Variants in GJD2 observed in about 807,000 individuals in gnomAD.
The protein encoded by GJD2 is gap junction protein delta 2.
In GJD2, 12 loss-of-function variants were observed where a neutral mutation model predicts 24.3. The ratio of observed to expected loss-of-function variants is 0.49; its 90% confidence interval spans 0.32 to 0.80. GJD2 has a LOEUF of 0.80. Among genes scored for constraint, GJD2 ranks in the 30% least tolerant of loss-of-function variants. The probability of loss-of-function intolerance (pLI) is 0.04; values close to 1 mark genes in which losing one functional copy is unlikely to be tolerated. For missense variants in GJD2, 268 were observed against 402.4 expected, an observed-to-expected ratio of 0.67 and a Z score of 2.86; for synonymous variants, 171 against 155.2, an observed-to-expected ratio of 1.10 and a Z score of -0.76.
rs1891146711 is a variant in GJD2 at position 34,753,855 on chromosome 15, A to T, written c.72-483T>A. Among the ~76,000 whole-genome samples, 4 of 76,504 alleles carry T rather than the reference A, an allele frequency of 5.2e-5. No individual in the cohort carries two copies. In the South Asian group the frequency reaches 2.8e-3, roughly 54 times the overall value. The allele number at this position is 76,504 out of a possible 152,430, so 50.2% of individuals were successfully genotyped here. On this transcript the variant is annotated intron_variant, in intron 1 of 1. Coordinates refer to ENST00000290374, the MANE Select transcript of GJD2 (RefSeq NM_020660.3). ...AGCAGATGGCTATGAATATATATTC[A>T]TATATATTGAACTCATATATATATA...
At position 34,752,562 on chromosome 15, in the gene GJD2, G is replaced by T. The variant is rs777010107; in HGVS notation, c.882C>A (p.Ile294=). The T allele has an allele frequency of 6.2e-6, 10 of 1,614,206 alleles. No homozygotes were observed. In the Admixed American group the frequency reaches 8.3e-5, roughly 13 times the overall value. Residue 294 remains isoleucine (I), a synonymous_variant, in exon 2 of 2, where the codon ATC becomes ATA. Transcript: ENST00000290374. ...GCAGGTCCTTGTTACGAATCTCATA[G>T]ATTGACTTTCTCTTGGCCTGAGCCC... ...VRGAQAKRKS[I]YEIRNKDLPR...
At position 34,753,049 on chromosome 15, in the gene GJD2, C is replaced by A. The variant is rs150471636; in HGVS notation, c.395G>T (p.Gly132Val). Residue 132 changes from glycine to valine, a missense_variant, in exon 2 of 2, where the codon GGT becomes GTT. Physicochemically the swap from Gly to Val is moderately radical, Grantham distance 109. This residue lies in a region of GJD2 where 87 missense variants were observed against 77.8 expected (regional missense o/e 1.12). Transcript: ENST00000290374. ...TCGTTTGCCCCCACCACTGCCCCCA[C>A]CCCCAGTTCCTCCAGGACCTCCTAT... ...ESIGGPGGTG[G>V]GGSGGGKRED... The A allele has an allele frequency of 1.1e-5, 17 of 1,614,060 alleles. No individual in the cohort carries two copies. In the East Asian group the frequency reaches 3.8e-4, roughly 36 times the overall value.
rs1891097114 is a variant in GJD2 at position 34,751,138 on chromosome 15, A to T, written c.*1340T>A. 6.6e-6 allele frequency: 1 copy of T among 152,234 alleles called. No individual in the cohort carries two copies. Among genetic ancestry groups the T allele is most frequent in the South Asian group, 2.1e-4 (1 of 4,836 alleles). The allele number at this position is 152,234 out of a possible 1,614,324, so 9.4% of individuals were successfully genotyped here. A position where few individuals can be genotyped will look rare whatever the true frequency, so the allele number is the denominator to read the frequency against. ...GATAATGATAATTCAAAGGGAACAA[A>T]GGGCTTCATAAAAGCACATTACCCA... is the stretch of plus-strand genomic sequence containing the variant. On this transcript the variant is annotated 3_prime_UTR_variant, in exon 2 of 2. Transcript: ENST00000290374.
In GJD2 at chr15:34,754,632, C is replaced by A; in HGVS notation, c.-144G>T. The stretch of plus-strand genomic sequence containing the variant: ...CAATTTTTTAAAAAATCCTCGAATC[C>A]CCCTTTCCTTTTATTGTACTTAAAA... On this transcript the variant is annotated 5_prime_UTR_variant, in exon 1 of 2. Transcript: ENST00000290374. This position sits in a 1 kb window ranked among gnomAD's most constrained non-coding sequence, Gnocchi z 5.9. The A allele has an allele frequency of 1.5e-6, 1 of 661,474 alleles. No homozygotes were observed. Among genetic ancestry groups the A allele is most frequent in the Non-Finnish European group, 2.8e-6 (1 of 360,866 alleles). The allele number at this position is 661,474 out of a possible 1,614,324, so 41.0% of individuals were successfully genotyped here. A position where few individuals can be genotyped will look rare whatever the true frequency, so the allele number is the denominator to read the frequency against.
chr15:34,752,855 G>T lies in GJD2; in HGVS notation c.589C>A (p.Arg197Ser). 6.2e-7 allele frequency: 1 copy of T among 1,614,130 alleles called. No individual in the cohort carries two copies. The highest frequency in any genetic ancestry group is 1.1e-5 in the South Asian group (1 of 91,070). ...SKLRRQEGIS[R>S]FYIIQVVFRN... The stretch of plus-strand genomic sequence containing the variant: ...AACACCACTTGGATAATGTAGAAGC[G>T]GGAGATGCCTTCCTGCCTTCTGAGC... The change falls in exon 2 of 2, where the codon CGC becomes AGC. Residue 197 changes from arginine to serine, a missense_variant. By Grantham distance (110) the Arg-to-Ser change is moderately radical. Around this residue, in one of 3 missense-constraint regions of GJD2, gnomAD observed 115 missense variants for 195.2 expected, o/e 0.59. Transcript: ENST00000290374.
intron 1 of GJD2, 66 bp from the exon 2 acceptor site, chr15:34,753,438 T>C: frequency 7.1e-7 from 1 of 1,415,018 alleles, no homozygotes; most frequent in South Asian, 1.3e-5. Flanking sequence ...AAACCCCTGC[T>C]CCTCCCTTCC....
In GJD2 at chr15:34,753,377, A is replaced by G. The variant is rs1330584018; in HGVS notation, c.72-5T>C. On this transcript the variant is annotated splice_region_variant and splice_polypyrimidine_tract_variant and intron_variant, in intron 1 of 1. Transcript: ENST00000290374. ...ACCACCACAGTCAACAGGATCCTGAACGGAGGAAGAGGGAGGGAGAGAGGT... is the reference window on the plus strand; with the variant it reads ...ACCACCACAGTCAACAGGATCCTGAGCGGAGGAAGAGGGAGGGAGAGAGGT... 6.3e-7 allele frequency: 1 copy of G among 1,588,882 alleles called. No individual in the cohort carries two copies. Among genetic ancestry groups the G allele is most frequent in the Admixed American group, 1.7e-5 (1 of 59,566 alleles).
In GJD2 at chr15:34,751,047, C is replaced by T. The variant is rs2140413172; in HGVS notation, c.*1431G>A. The T allele has an allele frequency of 6.6e-6, 1 of 152,260 alleles. No homozygotes were observed. Among genetic ancestry groups the T allele is most frequent in the Admixed American group, 6.5e-5 (1 of 15,286 alleles). 9.4% of individuals were successfully genotyped at this position (152,260 alleles called of 1,614,324 possible). Reference sequence around the variant, plus strand: ...ACTCTTCCCATTTTACAAAAAAAGGCAAGAACTTTATTTTAAACAAATCCT... The same window carrying T: ...ACTCTTCCCATTTTACAAAAAAAGGTAAGAACTTTATTTTAAACAAATCCT... On this transcript the variant is annotated 3_prime_UTR_variant, in exon 2 of 2. Transcript: ENST00000290374.
chr15:34,754,710 G>A lies in GJD2; in HGVS notation c.-222C>T. ...CGCGTCCCGACCGATGGGGCAGTTG[G>A]CGCGGTCTAGAGAGAGGGCACGAAC... On this transcript the variant is annotated 5_prime_UTR_variant, in exon 1 of 2. Transcript: ENST00000290374. The surrounding 1 kb of genome is among the most constrained non-coding windows in gnomAD (Gnocchi z 5.9). The A allele has an allele frequency of 1.9e-6, 1 of 539,588 alleles. No homozygotes were observed. The highest frequency in any genetic ancestry group is 3.4e-6 in the Non-Finnish European group (1 of 295,572). The allele number at this position is 539,588 out of a possible 1,614,324, so 33.4% of individuals were successfully genotyped here.
In GJD2 at chr15:34,754,909, C is replaced by A; in HGVS notation, c.-421G>T. 1 of 163,028 alleles carries A rather than the reference C, an allele frequency of 6.1e-6. No homozygotes were observed. Among genetic ancestry groups the A allele is most frequent in the Non-Finnish European group, 1.3e-5 (1 of 75,412 alleles). The allele number at this position is 163,028 out of a possible 1,614,324, so 10.1% of individuals were successfully genotyped here. ...GGTCCGAACACCGGCTCTGTTCCTG[C>A]TACTTCAGCGGGCACCTGGCGCTCC... is the stretch of plus-strand genomic sequence containing the variant. On this transcript the variant is annotated 5_prime_UTR_variant, in exon 1 of 2. Transcript: ENST00000290374. The surrounding 1 kb of genome is among the most constrained non-coding windows in gnomAD (Gnocchi z 5.9).
Position 34,754,352 on chromosome 15 carries a change from G to T in GJD2, c.71+66C>A. On this transcript the variant is annotated intron_variant, in intron 1 of 1. Transcript: ENST00000290374. The surrounding 1 kb of genome is among the most constrained non-coding windows in gnomAD (Gnocchi z 5.9). ...GGATTGGAGCGGGAGACTCAGTCCA[G>T]GTGTGAGAAGGGACTCCCGGGGGCC... 3 of 1,073,542 alleles carry T rather than the reference G, an allele frequency of 2.8e-6. No individual in the cohort carries two copies. Among genetic ancestry groups the T allele is most frequent in the Non-Finnish European group, 4.3e-6 (3 of 690,146 alleles). The allele number at this position is 1,073,542 out of a possible 1,614,324, so 66.5% of individuals were successfully genotyped here. A position where few individuals can be genotyped will look rare whatever the true frequency, so the allele number is the denominator to read the frequency against.
In GJD2 at chr15:34,752,688, G is replaced by T; in HGVS notation, c.756C>A (p.Val252=). 1 of 1,614,184 alleles carries T rather than the reference G, an allele frequency of 6.2e-7. No homozygotes were observed. Among genetic ancestry groups the T allele is most frequent in the African/African-American group, 1.3e-5 (1 of 75,050 alleles). The part of the protein sequence containing the change: ...CYVSRPTEKT[V]FLVFMFAVSG... ...TTACAGCAAACATGAACACTAGAAA[G>T]ACAGTCTTCTCAGTTGGCCGGGACA... The change falls in exon 2 of 2, where the codon GTC becomes GTA. Residue 252 remains valine, a synonymous_variant. Coordinates refer to ENST00000290374, the MANE Select transcript of GJD2 (RefSeq NM_020660.3).
rs759554832 is a variant in GJD2, at chr15:34,753,201, G to A, written c.243C>T (p.Phe81=). 6 of 1,614,016 alleles carry A rather than the reference G, an allele frequency of 3.7e-6. No individual in the cohort carries two copies. The Admixed American group carries it at 1.0e-4, about 27-fold the overall frequency. ...FPISHIRYWV[F]QIIMVCTPSL... ...TGGGGGTACACACCATTATGATCTG[G>A]AAGACCCAGTAACGTATGTGGGAGA... The change falls in exon 2 of 2, where the codon TTC becomes TTT. Residue 81 remains phenylalanine (F), a synonymous_variant. Transcript: ENST00000290374.
Position 34,752,781 on chromosome 15 carries a change from A to G in GJD2, c.663T>C (p.Tyr221=), listed in dbSNP as rs1891122563. The G allele has an allele frequency of 2.5e-6, 4 of 1,614,208 alleles. No individual in the cohort carries two copies. The highest frequency in any genetic ancestry group is 3.4e-6 in the Non-Finnish European group (4 of 1,180,028). Reference sequence around the variant, plus strand: ...CATACAACCCTGGGACACTAAAGCCATAGAGAAAATATTGGCCAACCAGGA... The same window carrying G: ...CATACAACCCTGGGACACTAAAGCCGTAGAGAAAATATTGGCCAACCAGGA... The part of the protein sequence containing the change: ...IGFLVGQYFL[Y]GFSVPGLYEC... Residue 221 remains tyrosine, a synonymous_variant, in exon 2 of 2, where the codon TAT becomes TAC. Transcript: ENST00000290374.
In GJD2 at chr15:34,753,288, C is replaced by A; in HGVS notation, c.156G>T (p.Met52Ile). Residue 52 changes from methionine to isoleucine, a missense_variant, in exon 2 of 2, where the codon ATG becomes ATT. Coordinates refer to ENST00000290374, the MANE Select transcript of GJD2 (RefSeq NM_020660.3). ...GETVYDDEQT[M>I]FVCNTLQPGC... is the part of the protein sequence containing the mutation. ...CGGGCTGCAGGGTGTTGCACACAAACATGGTCTGCTCATCATCGTACACCG... is the reference window on the plus strand; with the variant it reads ...CGGGCTGCAGGGTGTTGCACACAAAAATGGTCTGCTCATCATCGTACACCG... 6.2e-7 allele frequency: 1 copy of A among 1,613,990 alleles called. No homozygotes were observed. The highest frequency in any genetic ancestry group is 1.3e-5 in the African/African-American group (1 of 75,022).
At position 34,754,122 on chromosome 15, in the gene GJD2, A is replaced by G. The variant is rs562126729; in HGVS notation, c.71+296T>C. ...ATGGAGATTGGCTCTGACTCTGGAG[A>G]GTGGAGGGACCAAGACTGAGCCAGC... On this transcript the variant is annotated intron_variant, in intron 1 of 1. Transcript: ENST00000290374. The surrounding 1 kb of genome is among the most constrained non-coding windows in gnomAD (Gnocchi z 5.9). 1.3e-5 allele frequency among the ~76,000 whole-genome samples: 2 copies of G among 152,152 alleles called. No individual in the cohort carries two copies. The highest frequency in any genetic ancestry group is 3.9e-4 in the East Asian group (2 of 5,168).
In GJD2 at chr15:34,753,362, T is replaced by C; in HGVS notation, c.82A>G (p.Thr28Ala). 1 of 1,600,312 alleles carries C rather than the reference T, an allele frequency of 6.2e-7. No homozygotes were observed. Among genetic ancestry groups the C allele is most frequent in the Non-Finnish European group, 8.5e-7 (1 of 1,174,932 alleles). The change falls in exon 2 of 2, where the codon ACT (threonine) becomes GCT (alanine). Residue 28 changes from threonine to alanine, a missense_variant. Coordinates refer to ENST00000290374, the MANE Select transcript of GJD2 (RefSeq NM_020660.3). ...HSTMIGRILL[T>A]VVVIFRILIV... ...AGGATCCGGAAGATCACCACCACAG[T>C]CAACAGGATCCTGAACGGAGGAAGA... is the stretch of plus-strand genomic sequence containing the variant.
chr15:34,752,638 A>G lies in GJD2; in HGVS notation c.806T>C (p.Leu269Pro). 6.2e-7 allele frequency: 1 copy of G among 1,614,236 alleles called. No individual in the cohort carries two copies. Among genetic ancestry groups the G allele is most frequent in the Non-Finnish European group, 8.5e-7 (1 of 1,180,042 alleles). Residue 269 changes from leucine to proline, a missense_variant, in exon 2 of 2, where the codon CTG becomes CCG. Leu to Pro is a moderately conservative substitution (Grantham distance 98, BLOSUM62 -3). This residue lies in a region of GJD2 where 115 missense variants were observed against 195.2 expected (regional missense o/e 0.59). Coordinates refer to ENST00000290374, the MANE Select transcript of GJD2 (RefSeq NM_020660.3). ...AVSGICVVLN[L>P]AELNHLGWRK... The stretch of plus-strand genomic sequence containing the variant: ...CCATCCCAGGTGGTTGAGTTCAGCC[A>G]GGTTGAGCACAACACAGATGCCACT...
rs1891102087 is a variant in GJD2 at position 34,751,527 on chromosome 15, A to G, written c.*951T>C. ...CCGTGCAGCTGTGTTGCACAACAAAACTATGTAAGAAAATGAGTGAGATAC... is the reference window on the plus strand; with the variant it reads ...CCGTGCAGCTGTGTTGCACAACAAAGCTATGTAAGAAAATGAGTGAGATAC... On this transcript the variant is annotated 3_prime_UTR_variant, in exon 2 of 2. Transcript: ENST00000290374. 1 of 152,154 alleles carries G rather than the reference A, an allele frequency of 6.6e-6. No homozygotes were observed. Among genetic ancestry groups the G allele is most frequent in the Non-Finnish European group, 1.5e-5 (1 of 68,018 alleles). The allele number at this position is 152,154 out of a possible 1,614,324, so 9.4% of individuals were successfully genotyped here.
Sources: allele counts gnomAD v4.1 joint callset (sites outside exome capture counted in the v4.1 genomes callset), GRCh38; gene constraint gnomAD v4.1.1; regional missense constraint gnomAD v4.1.1; non-coding constraint Gnocchi (gnomAD v3.1); transcripts MANE v1.5; gene names NCBI Gene and HGNC (gene_info 2026-07-23, HGNC 2026-07-21).